Variants in EXOC2 observed in about 807,000 individuals in gnomAD.
EXOC2 encodes SEC5-like 1.
EXOC2 carries 70 observed loss-of-function variants against 131.8 expected under a neutral mutation model. That is an observed-to-expected ratio of 0.53 (90% CI 0.44 to 0.65). EXOC2 has a LOEUF of 0.65. Among genes scored for constraint, EXOC2 ranks in the 30% least tolerant of loss-of-function variants. The pLI, the probability that EXOC2 is intolerant of heterozygous loss-of-function variation, is 0.00. For synonymous variants in EXOC2, 411 were observed against 398.4 expected (o/e 1.03, Z -0.38); for missense variants, 923 against 1,108.6 (o/e 0.83, Z 2.38).
At chr6:609,365 C>G (rs3799320) in intron 7 of EXOC2, among the ~76,000 whole-genome samples, 2 of 152,190 alleles carry the variant, frequency 1.3e-5, no homozygotes, top group Non-Finnish European at 2.9e-5. Context: ...AGGAGATGCC[C>G]ATGGGCATTC....
chr6:579,664 TGA>T (rs1328774648), intron 11 of EXOC2, among the ~76,000 whole-genome samples: 3 of 152,172 alleles, frequency 2.0e-5, no homozygotes, highest in South Asian at 2.1e-4. Flanking sequence ...AATCTCAGAA[TGA>T]GTTATTTTAT....
chr6:488,883 C>G, intron 27 of EXOC2, 96 bp downstream of exon 27: 3 of 1,304,762 alleles, frequency 2.3e-6, no homozygotes, highest in African/African-American at 1.5e-5. Context: ...TCTGCTCTTC[C>G]TAGAATCCAA....
At chr6:575,072 C>T (rs555738871) in intron 12 of EXOC2, among the ~76,000 whole-genome samples, 58 of 152,212 alleles carry the variant, frequency 3.8e-4, no homozygotes, top group Non-Finnish European at 6.3e-4. Context: ...GAAATGTGAT[C>T]CCCAATGTTG....
Position 491,150 on chromosome 6 carries a change from C to T in EXOC2, c.2596G>A (p.Ala866Thr). The T allele has an allele frequency of 8.7e-6, 14 of 1,614,138 alleles. No homozygotes were observed. Among genetic ancestry groups the T allele is most frequent in the Non-Finnish European group, 1.2e-5 (14 of 1,180,016 alleles). ...TTGCTTTCGGGTGTCAGGTAAACAG[C>T]CACAGTGTCCCTCAAAGCACAGATT... ...LEICALRDTVAVYLTPESKSS... is the reference protein window; with the variant it reads ...LEICALRDTVTVYLTPESKSS... The change falls in exon 26 of 28, where the codon GCT (alanine) becomes ACT (threonine). Residue 866 changes from alanine (A) to threonine (T), a missense_variant. Coordinates refer to ENST00000230449, the MANE Select transcript of EXOC2 (RefSeq NM_018303.6).
chr6:605,346 G>A (rs763475974), intron 7 of EXOC2, among the ~76,000 whole-genome samples: 1 of 152,192 alleles, frequency 6.6e-6, no homozygotes, highest in Non-Finnish European at 1.5e-5. Flanking sequence ...GGTTACGAAT[G>A]AATAACAATT....
At chr6:675,260 C>CA (rs1216723085) in intron 1 of EXOC2, among the ~76,000 whole-genome samples, 1 of 152,088 alleles carries the variant, frequency 6.6e-6, no homozygotes, top group Non-Finnish European at 1.5e-5. Context: ...CGCTCTTCAC[C>CA]AAAAAAGAGA....
chr6:623,621 T>C (rs758776516), intron 4 of EXOC2, among the ~76,000 whole-genome samples: 1 of 152,232 alleles, frequency 6.6e-6, no homozygotes, highest in South Asian at 2.1e-4. Context: ...CTGTTGGCTA[T>C]GACCCACCAA....
chr6:631,409 G>C (rs76387350), intron 3 of EXOC2, among the ~76,000 whole-genome samples: 1 of 151,994 alleles, frequency 6.6e-6, no homozygotes, highest in African/African-American at 2.4e-5. Flanking sequence ...ATGGTGGCAC[G>C]CACCTGTAAT....
At chr6:606,763 T>A (rs966642404) in intron 7 of EXOC2, among the ~76,000 whole-genome samples, 1 of 152,246 alleles carries the variant, frequency 6.6e-6, no homozygotes, top group Non-Finnish European at 1.5e-5. Flanking sequence ...GAGTTACTCT[T>A]GAGTCTCAAA....
chr6:613,845 A>C (rs1317291990), intron 6 of EXOC2, among the ~76,000 whole-genome samples: 1 of 152,216 alleles, frequency 6.6e-6, no homozygotes, highest in Non-Finnish European at 1.5e-5. Flanking sequence ...ACAAACCTGC[A>C]CGTTGTGCAC....
chr6:489,059 C>T (rs375968421), intron 26 of EXOC2, 21 bp from the exon 27 acceptor site: 5 of 1,613,314 alleles, frequency 3.1e-6, no homozygotes, highest in Non-Finnish European at 2.5e-6. Context: ...AACAGCCACA[C>T]TGAAGTTGAA....
chr6:523,396 A>G (rs1323045648), intron 23 of EXOC2, among the ~76,000 whole-genome samples: 1 of 151,936 alleles, frequency 6.6e-6, no homozygotes, highest in African/African-American at 2.4e-5. Flanking sequence ...CCTGGAAATC[A>G]GAAACTGCTA....
At chr6:692,463 G>A (rs1340169730) in intron 1 of EXOC2, among the ~76,000 whole-genome samples, 1 of 152,236 alleles carries the variant, frequency 6.6e-6, no homozygotes, top group Non-Finnish European at 1.5e-5. Flanking sequence ...AGCACTCTGA[G>A]CCGCCGCTCC....
intron 1 of EXOC2, among the ~76,000 whole-genome samples, chr6:664,349 T>C (rs539373998): frequency 7.6e-4 from 115 of 152,250 alleles, no homozygotes; most frequent in African/African-American, 2.7e-3. Context: ...GTAGAATCAA[T>C]ATTGTGAAAA....
intron 22 of EXOC2, among the ~76,000 whole-genome samples, chr6:537,434 G>A (rs1341204968): frequency 1.3e-5 from 2 of 149,816 alleles, no homozygotes; most frequent in African/African-American, 2.5e-5. Context: ...ATGAGGTGAC[G>A]GCCGACGGAG....
intron 22 of EXOC2, among the ~76,000 whole-genome samples, chr6:534,794 C>T (rs934285419): frequency 4.6e-5 from 7 of 152,180 alleles, no homozygotes; most frequent in African/African-American, 1.7e-4. Flanking sequence ...CTCTGAGTTC[C>T]CTCTCGCCCT....
rs769618447 is a variant in EXOC2 at position 555,939 on chromosome 6, G to T, written c.1992+15C>A. 1.9e-6 allele frequency: 3 copies of T among 1,612,310 alleles called. No homozygotes were observed. The highest frequency in any genetic ancestry group is 2.5e-6 in the Non-Finnish European group (3 of 1,179,334). On this transcript the variant is annotated intron_variant, in intron 19 of 27. Transcript: ENST00000230449. Reference sequence around the variant, plus strand: ...ATTATTTGAGGCTTTCAGCATTACTGCTTTCTATTATTACCTGCATTATAT... The same window carrying T: ...ATTATTTGAGGCTTTCAGCATTACTTCTTTCTATTATTACCTGCATTATAT...
intron 1 of EXOC2, among the ~76,000 whole-genome samples, chr6:672,986 G>A (rs766761058): frequency 2.7e-4 from 41 of 152,062 alleles, no homozygotes; most frequent in Admixed American, 1.4e-3. Flanking sequence ...ATGACTGGGC[G>A]CGGTGGCTCA....
intron 4 of EXOC2, among the ~76,000 whole-genome samples, chr6:625,889 C>A (rs1410863393): frequency 6.6e-6 from 1 of 151,700 alleles, no homozygotes; most frequent in Non-Finnish European, 1.5e-5. Flanking sequence ...AAAAACAGTA[C>A]AAAGCTCCTG....
Sources: allele counts gnomAD v4.1 joint callset (sites outside exome capture counted in the v4.1 genomes callset), GRCh38; gene constraint gnomAD v4.1.1; transcripts MANE v1.5; gene names NCBI Gene and HGNC (gene_info 2026-07-23, HGNC 2026-07-21).